The following ADAP2 variants were observed in gnomAD, a reference collection of about 807,000 sequenced individuals.
ADAP2 encodes arf-GAP with dual PH domain-containing protein 2.
In ADAP2, 42 loss-of-function variants were observed where a neutral mutation model predicts 54.9. That is an observed-to-expected ratio of 0.77 (90% CI 0.60 to 0.99). The LOEUF is 0.99. Ranked by LOEUF, ADAP2 falls within the 50% of genes least tolerant of loss-of-function variation. The pLI, the probability that ADAP2 is intolerant of heterozygous loss-of-function variation, is 0.00. For synonymous variants in ADAP2, 177 were observed against 180.1 expected (o/e 0.98, Z 0.14); for missense variants, 429 against 480.4 (o/e 0.89, Z 1.00).
intron 8 of ADAP2, 149 bp downstream of exon 8, chr17:30,953,499 A>T: frequency 1.4e-6 from 1 of 721,912 alleles, no homozygotes; most frequent in Non-Finnish European, 2.3e-6. Flanking sequence ...GCAACCCAGG[A>T]CGGCTTGGAA....
intron 5 of ADAP2, among the ~76,000 whole-genome samples, chr17:30,943,241 T>C (rs1200106595): frequency 3.3e-5 from 5 of 152,002 alleles, no homozygotes; most frequent in Admixed American, 3.3e-4. Flanking sequence ...GGCGTATCCC[T>C]GTAATCCCAG....
intron 5 of ADAP2, among the ~76,000 whole-genome samples, chr17:30,934,975 C>T (rs1361951581): frequency 6.6e-6 from 1 of 152,072 alleles, no homozygotes; most frequent in Non-Finnish European, 1.5e-5. Flanking sequence ...ACTGCTTGAG[C>T]ATGGGAGGTC....
chr17:30,935,560 C>G lies in ADAP2; in HGVS notation c.510+1263C>G, dbSNP rs990524078. Reference sequence around the variant, plus strand: ...GGAAGAATAGAAGAAAGGGGAGGAACAGTATGTGCAGAAGCCCTGAGCACA... The same window carrying G: ...GGAAGAATAGAAGAAAGGGGAGGAAGAGTATGTGCAGAAGCCCTGAGCACA... On this transcript the variant is annotated intron_variant, in intron 5 of 10. Transcript: ENST00000330889. 2.6e-5 allele frequency among the ~76,000 whole-genome samples: 4 copies of G among 152,142 alleles called. No homozygotes were observed. In the East Asian group the frequency reaches 7.7e-4, roughly 29 times the overall value.
At chr17:30,941,766 T>G (rs1231242666) in intron 5 of ADAP2, among the ~76,000 whole-genome samples, 2 of 152,040 alleles carry the variant, frequency 1.3e-5, no homozygotes, top group East Asian at 3.9e-4. Flanking sequence ...GACAAATAAG[T>G]GGTTATCTGG....
intron 10 of ADAP2, 24 bp from the exon 11 acceptor site, chr17:30,957,811 C>A: frequency 6.2e-7 from 1 of 1,613,470 alleles, no homozygotes; most frequent in Non-Finnish European, 8.5e-7. Flanking sequence ...CCACCTCCCT[C>A]AGCCCTCTTC....
chr17:30,945,290 G>A (rs1454907341), intron 6 of ADAP2, among the ~76,000 whole-genome samples: 1 of 152,218 alleles, frequency 6.6e-6, no homozygotes, highest in Non-Finnish European at 1.5e-5. Context: ...ACAGTGCACA[G>A]CCACCAATGA....
chr17:30,927,624 A>T (rs939046545), intron 3 of ADAP2, among the ~76,000 whole-genome samples: 4 of 151,828 alleles, frequency 2.6e-5, no homozygotes, highest in African/African-American at 7.3e-5. Flanking sequence ...CAAAAAAAAA[A>T]AAAAATAAAA....
intron 5 of ADAP2, among the ~76,000 whole-genome samples, chr17:30,940,390 C>T (rs564961565): frequency 2.0e-5 from 3 of 151,524 alleles, no homozygotes; most frequent in East Asian, 1.9e-4. Context: ...CTGCAACCTT[C>T]GCCTCCCAGG....
chr17:30,923,747 C>A (rs188028199), intron 2 of ADAP2, among the ~76,000 whole-genome samples: 1 of 128,556 alleles, frequency 7.8e-6, no homozygotes. Context: ...GTCGCCCAGG[C>A]TGGAGTGCAA....
intron 6 of ADAP2, among the ~76,000 whole-genome samples, chr17:30,946,216 A>G (rs1314529515): frequency 6.6e-6 from 1 of 151,984 alleles, no homozygotes; most frequent in Non-Finnish European, 1.5e-5. Context: ...TCTTGTGCAC[A>G]TTAAAGTTTG....
At chr17:30,944,776 T>C (rs1912531294) in intron 5 of ADAP2, 131 bp from the exon 6 acceptor site, 1 of 969,578 alleles carries the variant, frequency 1.0e-6, no homozygotes, top group African/African-American at 1.6e-5. Flanking sequence ...TGAATTTCGA[T>C]ATGAGAGCAA....
intron 6 of ADAP2, among the ~76,000 whole-genome samples, chr17:30,947,461 C>A (rs986915455): frequency 6.6e-6 from 1 of 152,174 alleles, no homozygotes; most frequent in African/African-American, 2.4e-5. Flanking sequence ...TAAAGCAATT[C>A]TCCAGCCTCA....
intron 2 of ADAP2, among the ~76,000 whole-genome samples, chr17:30,925,718 C>T (rs1381879590): frequency 5.3e-5 from 8 of 151,502 alleles, no homozygotes; most frequent in African/African-American, 1.9e-4. Flanking sequence ...GCCTCAGCCT[C>T]CTGAGTAGCT....
At chr17:30,924,446 C>T (rs2142502151) in intron 2 of ADAP2, among the ~76,000 whole-genome samples, 1 of 152,070 alleles carries the variant, frequency 6.6e-6, no homozygotes, top group African/African-American at 2.4e-5. Context: ...GATTTGTGGT[C>T]TAAAGTCCTC....
At chr17:30,923,805 T>G (rs1317424452) in intron 2 of ADAP2, among the ~76,000 whole-genome samples, 1 of 144,682 alleles carries the variant, frequency 6.9e-6, no homozygotes, top group Non-Finnish European at 1.5e-5. Flanking sequence ...GTTCAAGCAA[T>G]TCTCCTGCCT....
In ADAP2 at chr17:30,933,909, C is replaced by A. The variant is rs557534198; in HGVS notation, c.398-276C>A. On this transcript the variant is annotated intron_variant, in intron 4 of 10. Transcript: ENST00000330889. The stretch of plus-strand genomic sequence containing the variant: ...ATCAGTCCAGTTTCTCAGGACTTTG[C>A]CTTCTTAAGGGTCTTCTTATGAGAC... 7.2e-5 allele frequency among the ~76,000 whole-genome samples: 11 copies of A among 152,260 alleles called. No homozygotes were observed. In the South Asian group the frequency reaches 2.3e-3, roughly 32 times the overall value.
chr17:30,930,153 C>T (rs567305694), intron 3 of ADAP2, among the ~76,000 whole-genome samples: 108 of 152,084 alleles, frequency 7.1e-4, no homozygotes, highest in African/African-American at 2.5e-3. Flanking sequence ...CTGACTGCAA[C>T]CTCCACCTCC....
intron 7 of ADAP2, among the ~76,000 whole-genome samples, chr17:30,949,625 T>A (rs1904457992): frequency 6.6e-6 from 1 of 151,820 alleles, no homozygotes; most frequent in South Asian, 2.1e-4. Context: ...GGCAGGCGCC[T>A]GTAGTCCCAG....
chr17:30,945,368 G>A (rs1033724288), intron 6 of ADAP2, among the ~76,000 whole-genome samples: 6 of 152,106 alleles, frequency 3.9e-5, no homozygotes, highest in South Asian at 4.1e-4. Context: ...TTCTGAATAC[G>A]GGGGAGGAAC....
Sources: gnomAD v4.1 joint callset for allele counts (sites outside exome capture counted in the v4.1 genomes callset) on GRCh38, gnomAD v4.1.1 for gene constraint, MANE v1.5 for transcripts, NCBI Gene and HGNC (gene_info 2026-07-23, HGNC 2026-07-21) for gene names.